LAPTM4B: variants seen among roughly 807,000 people sequenced by gnomAD.
The protein encoded by LAPTM4B is lysosomal protein transmembrane 4 beta, also known as lysosomal-associated transmembrane protein 4B.
In LAPTM4B, 26 loss-of-function variants were observed where a neutral mutation model predicts 28.5. The ratio of observed to expected loss-of-function variants is 0.91; its 90% CI spans 0.67 to 1.27. The LOEUF is 1.27. Ranked by LOEUF, LAPTM4B falls within the 50% of genes most tolerant of loss-of-function variation. LAPTM4B has a pLI of 0.00. For missense variants in LAPTM4B, 288 were observed against 285.8 expected (o/e 1.01, Z -0.06); for synonymous variants, 109 against 106.4 (o/e 1.02, Z -0.15).
Position 97,829,985 on chromosome 8 carries a change from G to A in LAPTM4B, c.603+4832G>A, listed in dbSNP as rs546777868. ...GCTGGGATTACAGGCATGAGCCACC[G>A]CGCCCAGCCCCTGCTGAATTTTCCA... On this transcript the variant is annotated intron_variant, in intron 6 of 6. Coordinates refer to ENST00000521545, the MANE Select transcript of LAPTM4B (RefSeq NM_018407.6). Among the ~76,000 whole-genome samples the A allele has an allele frequency of 4.6e-5, 7 of 152,232 alleles. No individual in the cohort carries two copies. The East Asian group carries it at 5.8e-4, about 13-fold the overall frequency.
chr8:97,824,534 G>A (rs193207677), intron 5 of LAPTM4B, among the ~76,000 whole-genome samples: 3 of 152,064 alleles, frequency 2.0e-5, no homozygotes, highest in Non-Finnish European at 2.9e-5. Flanking sequence ...CGGATATTTC[G>A]TTAATAAAGG....
chr8:97,790,551 C>A (rs1476471406), intron 1 of LAPTM4B, among the ~76,000 whole-genome samples: 1 of 152,006 alleles, frequency 6.6e-6, no homozygotes, highest in Admixed American at 6.6e-5. Context: ...ACCTTGTGAT[C>A]TGCCCGCCTC....
chr8:97,819,387 C>CTT (rs1349000890), intron 5 of LAPTM4B, 149 bp downstream of exon 5: 1 of 589,382 alleles, frequency 1.7e-6, no homozygotes, highest in Admixed American at 3.1e-5. Flanking sequence ...TTTATGCTGT[C>CTT]TATGTTGGAG....
rs116085947 is a variant in LAPTM4B, at chr8:97,833,354, A to C, written c.603+8201A>C. Among the ~76,000 whole-genome samples the C allele has an allele frequency of 2.6e-3, 400 of 152,214 alleles. 1 individual carries two copies. Among genetic ancestry groups the C allele is most frequent in the African/African-American group, 9.1e-3 (378 of 41,538 alleles). ...GGAAATAGCAGCGAAACTCCATCTC[A>C]ATCAATTAATCACTCAATAACAAAA... is the stretch of plus-strand genomic sequence containing the variant. On this transcript the variant is annotated intron_variant, in intron 6 of 6. Coordinates refer to ENST00000521545, the MANE Select transcript of LAPTM4B (RefSeq NM_018407.6).
intron 2 of LAPTM4B, among the ~76,000 whole-genome samples, chr8:97,811,335 A>G (rs1198835156): frequency 1.3e-5 from 2 of 152,196 alleles, no homozygotes; most frequent in Non-Finnish European, 2.9e-5. Context: ...TCAGCCATGT[A>G]TAAAAATGGT....
At chr8:97,811,845 G>A (rs1248578341) in intron 2 of LAPTM4B, among the ~76,000 whole-genome samples, 2 of 151,932 alleles carry the variant, frequency 1.3e-5, no homozygotes, top group African/African-American at 2.4e-5. Flanking sequence ...TTGCTCTGTC[G>A]CCCAGGCTGG....
intron 1 of LAPTM4B, among the ~76,000 whole-genome samples, chr8:97,797,181 C>T (rs2129752905): frequency 6.7e-6 from 1 of 150,160 alleles, no homozygotes; most frequent in East Asian, 2.0e-4. Context: ...ATTGCGCAGG[C>T]TGGAGTGCAA....
intron 1 of LAPTM4B, among the ~76,000 whole-genome samples, chr8:97,794,965 G>A (rs113422588): frequency 6.6e-6 from 1 of 152,200 alleles, no homozygotes; most frequent in Admixed American, 6.5e-5. Flanking sequence ...ACCTGCCTCA[G>A]CCTCCCAAAG....
chr8:97,814,023 G>A (rs1229616045), intron 2 of LAPTM4B, among the ~76,000 whole-genome samples: 1 of 152,096 alleles, frequency 6.6e-6, no homozygotes, highest in African/African-American at 2.4e-5. Flanking sequence ...GCAAATAATG[G>A]TGCTACAAGC....
chr8:97,821,359 C>T lies in LAPTM4B; in HGVS notation c.507+2121C>T, dbSNP rs552886038. ...ATAGTGAAATGTTGGGGTGATCAGACCCAACACCAGGTCGTGGGGGTTGTG... is the reference window on the plus strand; with the variant it reads ...ATAGTGAAATGTTGGGGTGATCAGATCCAACACCAGGTCGTGGGGGTTGTG... On this transcript the variant is annotated intron_variant, in intron 5 of 6. Coordinates refer to ENST00000521545, the MANE Select transcript of LAPTM4B (RefSeq NM_018407.6). 1.1e-4 allele frequency among the ~76,000 whole-genome samples: 17 copies of T among 151,956 alleles called. No homozygotes were observed. The South Asian group carries it at 3.5e-3, about 32-fold the overall frequency.
intron 6 of LAPTM4B, among the ~76,000 whole-genome samples, chr8:97,844,557 G>A (rs11987791): frequency 0.17 from 25,811 of 152,116 alleles, 2,304 homozygotes; most frequent in East Asian, 0.23. Flanking sequence ...TCTAGATTAC[G>A]TCTCATTGTG....
chr8:97,816,021 T>C (rs760659687), intron 3 of LAPTM4B, 37 bp from the exon 4 acceptor site: 2 of 1,505,926 alleles, frequency 1.3e-6, no homozygotes, highest in South Asian at 2.5e-5. Flanking sequence ...TTTTATAATA[T>C]TGAACACATT....
At chr8:97,828,338 G>A (rs972324652) in intron 6 of LAPTM4B, among the ~76,000 whole-genome samples, 27 of 152,114 alleles carry the variant, frequency 1.8e-4, no homozygotes, top group Non-Finnish European at 1.8e-4. Context: ...TGACATTGTC[G>A]AGTTGTTAAA....
chr8:97,835,497 C>T (rs542933500), intron 6 of LAPTM4B, among the ~76,000 whole-genome samples: 8 of 152,302 alleles, frequency 5.3e-5, no homozygotes, highest in African/African-American at 1.9e-4. Flanking sequence ...GTTCATAATG[C>T]TTTAGAGTCA....
Position 97,800,484 on chromosome 8 carries a change from C to CTTTTTTTTTTT in LAPTM4B, c.100-4852_100-4842dup, listed in dbSNP as rs546425169. ...CTTCTGTAATATTACCCCTTGACCT[C>CTTTTTTTTTTT]TTTTTTTTTTTTTTTTTTTTTTTTT... On this transcript the variant is annotated intron_variant, in intron 1 of 6. Transcript: ENST00000521545. Among the ~76,000 whole-genome samples, 56 of 69,324 alleles carry CTTTTTTTTTTT rather than the reference C, an allele frequency of 8.1e-4. 6 individuals are homozygous for CTTTTTTTTTTT. The highest frequency in any genetic ancestry group is 4.2e-3 in the African/African-American group (56 of 13,390). 45.5% of individuals were successfully genotyped at this position (69,324 alleles called of 152,430 possible).
At chr8:97,843,283 T>C (rs1277571895) in intron 6 of LAPTM4B, among the ~76,000 whole-genome samples, 1 of 151,692 alleles carries the variant, frequency 6.6e-6, no homozygotes, top group Admixed American at 6.6e-5. Flanking sequence ...AAAAATTAGC[T>C]GGCTATGGTG....
intron 6 of LAPTM4B, 107 bp downstream of exon 6, chr8:97,825,260 C>T: frequency 1.7e-6 from 1 of 576,360 alleles, no homozygotes; most frequent in East Asian, 2.7e-5. Context: ...CTGAAACATA[C>T]TCATGAGCTG....
intron 1 of LAPTM4B, among the ~76,000 whole-genome samples, chr8:97,797,391 C>G (rs1816607040): frequency 6.6e-6 from 1 of 152,122 alleles, no homozygotes; most frequent in Non-Finnish European, 1.5e-5. Context: ...CCTCATCCTC[C>G]CAAAGTGCTG....
chr8:97,842,164 T>C (rs887172543), intron 6 of LAPTM4B, among the ~76,000 whole-genome samples: 2 of 152,244 alleles, frequency 1.3e-5, no homozygotes, highest in Non-Finnish European at 2.9e-5. Flanking sequence ...TAAGTCCCGA[T>C]AAAGCTTTAC....
Sources: gnomAD v4.1 joint callset for allele counts (sites outside exome capture counted in the v4.1 genomes callset) on GRCh38, gnomAD v4.1.1 for gene constraint, MANE v1.5 for transcripts, NCBI Gene and HGNC (gene_info 2026-07-23, HGNC 2026-07-21) for gene names.